The following MROH9 variants were observed in gnomAD, a reference collection of about 807,000 sequenced individuals.
The protein encoded by MROH9 is maestro heat-like repeat-containing protein family member 9.
In MROH9, 92 loss-of-function variants were observed where a neutral mutation model predicts 98.2. The ratio of observed to expected loss-of-function variants is 0.94; its 90% CI spans 0.79 to 1.11. The LOEUF is 1.11. Ranked by LOEUF, MROH9 falls within the 50% of genes most tolerant of loss-of-function variation. MROH9 has a pLI of 0.00. For missense variants in MROH9, 1,057 were observed against 1,014.8 expected, an observed-to-expected ratio of 1.04 and a Z score of -0.57; for synonymous variants, 397 against 368.9, an observed-to-expected ratio of 1.08 and a Z score of -0.87.
At chr1:170,962,474 A>G (rs562638397) in intron 6 of MROH9, among the ~76,000 whole-genome samples, 50 of 152,240 alleles carry the variant, frequency 3.3e-4, no homozygotes, top group Middle Eastern at 3.4e-3. Context: ...TCATTTTTTA[A>G]TGTCCCAACC....
chr1:170,958,660 G>A, intron 4 of MROH9, 120 bp downstream of exon 4: 2 of 657,352 alleles, frequency 3.0e-6, no homozygotes, highest in East Asian at 2.7e-5. Flanking sequence ...ATCATAATTT[G>A]GTGACTACTA....
In MROH9 at chr1:170,963,733, C is replaced by G. The variant is rs549167346; in HGVS notation, c.376-1418C>G. Among the ~76,000 whole-genome samples, 69 of 152,136 alleles carry G rather than the reference C, an allele frequency of 4.5e-4. 1 individual carries two copies. Among genetic ancestry groups the G allele is most frequent in the Non-Finnish European group, 6.5e-4 (44 of 67,968 alleles). ...TAGCCTTAACAAACTAACACAGAAA[C>G]AGAAAACCAAATACTGCATGTTCTC... On this transcript the variant is annotated intron_variant, in intron 6 of 21. Coordinates refer to ENST00000367759, the MANE Select transcript of MROH9 (RefSeq NM_001163629.2).
At chr1:171,024,324 G>A (rs1652628323) in intron 17 of MROH9, 71 bp from the exon 18 acceptor site, 4 of 1,002,894 alleles carry the variant, frequency 4.0e-6, no homozygotes. Context: ...GTGTGTGTGT[G>A]TGTGTGTAGA....
chr1:170,962,913 A>T (rs1650073260), intron 6 of MROH9, among the ~76,000 whole-genome samples: 2 of 152,066 alleles, frequency 1.3e-5, no homozygotes, highest in Non-Finnish European at 2.9e-5. Flanking sequence ...TGGACATAGG[A>T]ACAGGCAAAA....
At chr1:170,963,392 T>C (rs1429930877) in intron 6 of MROH9, among the ~76,000 whole-genome samples, 1 of 152,128 alleles carries the variant, frequency 6.6e-6, no homozygotes, top group East Asian at 1.9e-4. Flanking sequence ...GAGTGTAAAT[T>C]AGTACAACCA....
In MROH9 at chr1:171,024,532, TAA is replaced by T. The variant is rs1182632626; in HGVS notation, c.2049_2050del (p.Arg684SerfsTer3). 6.5e-7 allele frequency: 1 copy of T among 1,534,302 alleles called. No individual in the cohort carries two copies. Among genetic ancestry groups the T allele is most frequent in the Non-Finnish European group, 8.8e-7 (1 of 1,140,418 alleles). ...PLILFLEDDD[K>X]RVAEACKYTL... ...TAATCCTATTTTTGGAGGATGATGA[TAA>T]AAGAGTAGCTGAAGTAAGTCATTTG... is the stretch of plus-strand genomic sequence containing the variant. On this transcript the variant is annotated frameshift_variant, in exon 18 of 22. Transcript: ENST00000367759. LOFTEE classifies it high-confidence loss of function.
chr1:171,044,941 T>C (rs911283399), intron 20 of MROH9, among the ~76,000 whole-genome samples: 1 of 150,326 alleles, frequency 6.7e-6, no homozygotes, highest in Non-Finnish European at 1.5e-5. Context: ...ATTGTTGTTT[T>C]CAGTTCAATT....
chr1:171,037,662 GA>G (rs1653148941), intron 20 of MROH9, among the ~76,000 whole-genome samples: 1 of 151,874 alleles, frequency 6.6e-6, no homozygotes, highest in Non-Finnish European at 1.5e-5. Flanking sequence ...AACTCTAACT[GA>G]AAAGAATAAT....
chr1:170,978,659 G>A (rs142952000), intron 8 of MROH9, among the ~76,000 whole-genome samples: 2 of 152,218 alleles, frequency 1.3e-5, no homozygotes, highest in Non-Finnish European at 2.9e-5. Context: ...TTGACTCTGG[G>A]ATTTTCTACT....
chr1:171,037,276 G>C (rs568700605), intron 20 of MROH9, among the ~76,000 whole-genome samples: 1 of 151,202 alleles, frequency 6.6e-6, no homozygotes. Flanking sequence ...GAGAGGGAGG[G>C]AGAAAAAGAA....
At chr1:170,939,472 A>G (rs1032514010) in intron 1 of MROH9, among the ~76,000 whole-genome samples, 1 of 152,232 alleles carries the variant, frequency 6.6e-6, no homozygotes, top group Non-Finnish European at 1.5e-5. Flanking sequence ...ATGTAGAACC[A>G]ACTGTAAACC....
chr1:171,006,674 C>CT (rs60676361), intron 15 of MROH9, among the ~76,000 whole-genome samples: 26,085 of 138,072 alleles, frequency 0.19, 2,788 homozygotes, highest in African/African-American at 0.31. Context: ...ATATCTTTTT[C>CT]TTTTTTTTTT....
intron 13 of MROH9, among the ~76,000 whole-genome samples, chr1:170,996,206 G>A (rs1290017753): frequency 6.6e-6 from 1 of 152,120 alleles, no homozygotes; most frequent in Non-Finnish European, 1.5e-5. Flanking sequence ...TCTTTAGCAA[G>A]TCATTGCGTC....
rs189583791 is a variant in MROH9, at chr1:170,998,701, T to C, written c.1596+427T>C. 1,122 of 1,044,374 alleles carry C rather than the reference T, an allele frequency of 1.1e-3. 1 individual carries two copies. The highest frequency in any genetic ancestry group is 4.5e-3 in the Admixed American group (84 of 18,490). The allele number at this position is 1,044,374 out of a possible 1,614,324, so 64.7% of individuals were successfully genotyped here. ...TGGGTAAAATGAAGATGTGGAACCATATTACTTTGTATATCAATATTGTGC... is the reference window on the plus strand; with the variant it reads ...TGGGTAAAATGAAGATGTGGAACCACATTACTTTGTATATCAATATTGTGC... On this transcript the variant is annotated intron_variant, in intron 15 of 21. Coordinates refer to ENST00000367759, the MANE Select transcript of MROH9 (RefSeq NM_001163629.2).
rs374468835 is a variant in MROH9 at position 170,964,043 on chromosome 1, A to G, written c.376-1108A>G. ...CATGCTCTTTTATTCACTCCATGAC[A>G]CTATCAATAGCTTCCATTTATTGAG... On this transcript the variant is annotated intron_variant, in intron 6 of 21. Transcript: ENST00000367759. 5.9e-5 allele frequency among the ~76,000 whole-genome samples: 9 copies of G among 152,162 alleles called. No individual in the cohort carries two copies. The East Asian group carries it at 1.7e-3, about 29-fold the overall frequency.
rs1230022967 is a variant in MROH9, at chr1:171,016,150, C to A, written c.1735-13C>A. ...AGTTCCTAAATCCCACCATTTTTTC[C>A]TTTTATATGTAGACAGAAAATGTCA... On this transcript the variant is annotated splice_polypyrimidine_tract_variant and intron_variant, in intron 16 of 21. Transcript: ENST00000367759. 10 of 1,416,972 alleles carry A rather than the reference C, an allele frequency of 7.1e-6. No individual in the cohort carries two copies. Among genetic ancestry groups the A allele is most frequent in the African/African-American group, 1.5e-5 (1 of 67,380 alleles). The allele number at this position is 1,416,972 out of a possible 1,614,324, so 87.8% of individuals were successfully genotyped here. A position where few individuals can be genotyped will look rare whatever the true frequency, so the allele number is the denominator to read the frequency against.
At chr1:170,979,620 A>G (rs992895255) in intron 8 of MROH9, among the ~76,000 whole-genome samples, 3 of 152,188 alleles carry the variant, frequency 2.0e-5, no homozygotes, top group African/African-American at 7.2e-5. Flanking sequence ...CTTAGATACA[A>G]TAGTCAAAGT....
Position 170,958,509 on chromosome 1 carries a change from AATG to A in MROH9, c.123_125del (p.Asn41_Glu42delinsLys). 6.3e-7 allele frequency: 1 copy of A among 1,596,588 alleles called. No homozygotes were observed. Among genetic ancestry groups the A allele is most frequent in the Non-Finnish European group, 8.6e-7 (1 of 1,167,276 alleles). Reference sequence around the variant, plus strand: ...GGATGCATACTCAGGCCTGTTAAGTAATGAATCCATGATCCTGGCTGTGAACTC... The same window carrying A: ...GGATGCATACTCAGGCCTGTTAAGTAAATCCATGATCCTGGCTGTGAACTC... On this transcript the variant is annotated inframe_deletion, in exon 4 of 22. Transcript: ENST00000367759.
chr1:170,954,180 C>A (rs1649674024), intron 3 of MROH9, among the ~76,000 whole-genome samples: 1 of 152,084 alleles, frequency 6.6e-6, no homozygotes, highest in Non-Finnish European at 1.5e-5. Context: ...TGGGCACTCA[C>A]ACATTTCCAA....
Sources: gnomAD v4.1 joint callset for allele counts (sites outside exome capture counted in the v4.1 genomes callset) on GRCh38, gnomAD v4.1.1 for gene constraint, MANE v1.5 for transcripts, NCBI Gene and HGNC (gene_info 2026-07-23, HGNC 2026-07-21) for gene names.